The following MED12L variants were observed in gnomAD, a reference collection of about 807,000 sequenced individuals.
The protein encoded by MED12L is mediator complex subunit 12L, also known as mediator of RNA polymerase II transcription subunit 12-like protein.
A neutral mutation model predicts 281.3 loss-of-function variants in MED12L; 60 were observed. The ratio of observed to expected loss-of-function variants is 0.21; its 90% CI spans 0.17 to 0.26. The LOEUF (loss-of-function observed/expected upper bound fraction) is 0.26, where lower values mean the gene tolerates loss of function less well. Among genes scored for constraint, MED12L ranks in the 10% least tolerant of loss-of-function variants. The probability of loss-of-function intolerance (pLI) is 1.00; values close to 1 mark genes in which losing one functional copy is unlikely to be tolerated. For missense variants in MED12L, 2,146 were observed against 2,680.9 expected (o/e 0.80, Z 4.41); for synonymous variants, 974 against 987.2 (o/e 0.99, Z 0.25).
intron 16 of MED12L, among the ~76,000 whole-genome samples, chr3:151,214,547 C>T (rs943738626): frequency 1.3e-5 from 2 of 151,844 alleles, no homozygotes; most frequent in Admixed American, 6.6e-5. Context: ...CTTTCCCTCC[C>T]TCTTTCCCCC....
intron 25 of MED12L, 84 bp from the exon 26 acceptor site, chr3:151,369,352 A>G: frequency 1.1e-6 from 1 of 917,076 alleles, no homozygotes; most frequent in Non-Finnish European, 1.7e-6. Flanking sequence ...ACAGTCTAAC[A>G]ATGAAAGGCT....
intron 16 of MED12L, chr3:151,261,489 T>C (rs1738875272): frequency 6.6e-6 from 1 of 152,126 alleles, no homozygotes; most frequent in Non-Finnish European, 1.5e-5. Context: ...TTACTTCCGT[T>C]AGAGAGGTTG....
At chr3:151,096,609 C>T (rs1391601409) in intron 2 of MED12L, among the ~76,000 whole-genome samples, 1 of 152,082 alleles carries the variant, frequency 6.6e-6, no homozygotes, top group African/African-American at 2.4e-5. Context: ...GAGGAAGAAG[C>T]CTGTTCTGTT....
At chr3:151,325,703 C>A (rs1287601187) in intron 16 of MED12L, among the ~76,000 whole-genome samples, 1 of 152,064 alleles carries the variant, frequency 6.6e-6, no homozygotes, top group African/African-American at 2.4e-5. Context: ...TTATGGATGA[C>A]AGATTTGGTC....
intron 16 of MED12L, chr3:151,329,529 T>C (rs917148293): frequency 6.5e-7 from 1 of 1,545,470 alleles, no homozygotes; most frequent in Non-Finnish European, 8.8e-7. Flanking sequence ...CGGCAGTCAT[T>C]AGTTCAGCCT....
chr3:151,186,433 C>G (rs911042617), intron 12 of MED12L, among the ~76,000 whole-genome samples: 2 of 152,210 alleles, frequency 1.3e-5, no homozygotes, highest in Admixed American at 6.5e-5. Flanking sequence ...TGCAGCATCT[C>G]CTGAGCTACC....
At chr3:151,421,693 G>A (rs2108427809) in intron 43 of MED12L, among the ~76,000 whole-genome samples, 1 of 152,262 alleles carries the variant, frequency 6.6e-6, no homozygotes, top group South Asian at 2.1e-4. Flanking sequence ...ATAGGCATGA[G>A]CCACCATGCC....
intron 41 of MED12L, 133 bp from the exon 42 acceptor site, chr3:151,413,006 G>T: frequency 1.0e-6 from 1 of 973,784 alleles, no homozygotes; most frequent in Non-Finnish European, 1.4e-6. Context: ...CTGGGCTTTA[G>T]TCTATTTGAA....
chr3:151,263,977 C>G (rs186738399), intron 16 of MED12L, among the ~76,000 whole-genome samples: 53 of 152,338 alleles, frequency 3.5e-4, no homozygotes, highest in African/African-American at 1.2e-3. Context: ...AGATCTCTTA[C>G]CACCACTCCT....
intron 8 of MED12L, 108 bp downstream of exon 8, chr3:151,160,209 TTCCTC>T: frequency 9.7e-7 from 1 of 1,032,040 alleles, no homozygotes; most frequent in South Asian, 1.7e-5. Context: ...CTCTAGTTTT[TTCCTC>T]ACCCAAGTAA....
At chr3:151,347,991 C>G (rs953115943) in intron 16 of MED12L, among the ~76,000 whole-genome samples, 1 of 152,134 alleles carries the variant, frequency 6.6e-6, no homozygotes. Context: ...GCACGTGGCT[C>G]TTTCTAGGAT....
chr3:151,274,002 C>T (rs771768794), intron 16 of MED12L, among the ~76,000 whole-genome samples: 2 of 152,104 alleles, frequency 1.3e-5, no homozygotes, highest in African/African-American at 2.4e-5. Context: ...CGTGTGGCCT[C>T]TAAAGCATTT....
chr3:151,404,726 G>C (rs1436839609), intron 39 of MED12L, among the ~76,000 whole-genome samples: 2 of 152,116 alleles, frequency 1.3e-5, no homozygotes, highest in Non-Finnish European at 2.9e-5. Flanking sequence ...GATATAACTT[G>C]TCTCTCTACT....
intron 36 of MED12L, among the ~76,000 whole-genome samples, chr3:151,385,473 A>G (rs1486773342): frequency 6.7e-6 from 1 of 148,322 alleles, no homozygotes; most frequent in Non-Finnish European, 1.5e-5. Flanking sequence ...AGCTTAGTGT[A>G]AAAAAAAAAT....
At chr3:151,248,113 G>A (rs79977601) in intron 16 of MED12L, among the ~76,000 whole-genome samples, 3,756 of 151,214 alleles carry the variant, frequency 0.025, 142 homozygotes, top group African/African-American at 0.086. Flanking sequence ...CCTTGTCCTT[G>A]CCATCCACAA....
At chr3:151,127,215 C>G (rs942972561) in intron 4 of MED12L, among the ~76,000 whole-genome samples, 3 of 152,178 alleles carry the variant, frequency 2.0e-5, no homozygotes, top group Middle Eastern at 6.3e-3. Context: ...GCCTCAAGTG[C>G]CTAATTTCAA....
In MED12L at chr3:151,165,990, A is replaced by G; in HGVS notation, c.1494+8A>G. On this transcript the variant is annotated splice_region_variant and intron_variant, in intron 11 of 44. Coordinates refer to ENST00000687756, the MANE Select transcript of MED12L (RefSeq NM_001393769.1). ...AACAAAGATAACCAAGAGGTAGTTA[A>G]TTTTTTTTTAATTCTTTTCACCTTT... The G allele has an allele frequency of 3.8e-6, 6 of 1,583,140 alleles. No homozygotes were observed. Among genetic ancestry groups the G allele is most frequent in the Non-Finnish European group, 5.1e-6 (6 of 1,165,428 alleles).
At chr3:151,233,757 G>A (rs1463798197) in intron 16 of MED12L, among the ~76,000 whole-genome samples, 1 of 152,122 alleles carries the variant, frequency 6.6e-6, no homozygotes, top group Non-Finnish European at 1.5e-5. Flanking sequence ...CAAAAACACA[G>A]CACCGACTTG....
In MED12L at chr3:151,417,477, C is replaced by A. The variant is rs58332475; in HGVS notation, c.6408+1055C>A. On this transcript the variant is annotated intron_variant, in intron 43 of 44. Coordinates refer to ENST00000687756, the MANE Select transcript of MED12L (RefSeq NM_001393769.1). ...GCCAGTTTGTTCCGCTCCCCCAGCTCCCCCCCCGCCTTTTTTTTTTTTTTT... is the reference window on the plus strand; with the variant it reads ...GCCAGTTTGTTCCGCTCCCCCAGCTACCCCCCCGCCTTTTTTTTTTTTTTT... Among the ~76,000 whole-genome samples the A allele has an allele frequency of 4.0e-3, 306 of 77,240 alleles. 6 individuals are homozygous for A. The East Asian group carries it at 0.073, about 18-fold the overall frequency. 50.7% of individuals were successfully genotyped at this position (77,240 alleles called of 152,430 possible).
Sources: allele counts gnomAD v4.1 joint callset (sites outside exome capture counted in the v4.1 genomes callset), GRCh38; gene constraint gnomAD v4.1.1; transcripts MANE v1.5; gene names NCBI Gene and HGNC (gene_info 2026-07-23, HGNC 2026-07-21).